Variants in IQGAP1 observed in about 807,000 individuals in gnomAD.
IQGAP1 encodes the protein ras GTPase-activating-like protein IQGAP1.
In IQGAP1, 66 loss-of-function variants were observed where a neutral mutation model predicts 215.6. The ratio of observed to expected loss-of-function variants is 0.31; its 90% confidence interval spans 0.25 to 0.38. IQGAP1 has a LOEUF of 0.38. IQGAP1 is among the 10% of genes least tolerant of loss of function. The pLI, the probability that IQGAP1 is intolerant of heterozygous loss-of-function variation, is 1.00. For missense variants in IQGAP1, 1,712 were observed against 1,997.1 expected (o/e 0.86, Z 2.72); for synonymous variants, 772 against 728.7 (o/e 1.06, Z -0.96).
intron 15 of IQGAP1, among the ~76,000 whole-genome samples, chr15:90,458,228 A>AT (rs1216734399): frequency 6.6e-6 from 1 of 152,262 alleles, no homozygotes; most frequent in Non-Finnish European, 1.5e-5. Flanking sequence ...ATAATATTCC[A>AT]TTGTATGACT....
Position 90,483,420 on chromosome 15 carries a change from C to G in IQGAP1, c.3615C>G (p.Ala1205=), listed in dbSNP as rs772794866. 5.0e-6 allele frequency: 8 copies of G among 1,614,030 alleles called. No individual in the cohort carries two copies. The South Asian group carries it at 6.6e-5, about 13-fold the overall frequency. Residue 1205 remains alanine, a synonymous_variant, in exon 29 of 38, where the codon GCC becomes GCG. Transcript: ENST00000268182. The part of the protein sequence containing the change: ...YMNPAIVAPD[A]FDIIDLSAGG... Reference sequence around the variant, plus strand: ...ATCCAGCCATTGTTGCTCCTGATGCCTTTGACATCATTGACCTGTCAGCAG... The same window carrying G: ...ATCCAGCCATTGTTGCTCCTGATGCGTTTGACATCATTGACCTGTCAGCAG...
At chr15:90,496,206 A>G (rs1330368767) in intron 36 of IQGAP1, among the ~76,000 whole-genome samples, 1 of 150,428 alleles carries the variant, frequency 6.6e-6, no homozygotes, top group Non-Finnish European at 1.5e-5. Context: ...TGCATCTTTC[A>G]TGGTTCTCAG....
Position 90,416,578 on chromosome 15 carries a change from CT to C in IQGAP1, c.156-9515del, listed in dbSNP as rs59801805. Among the ~76,000 whole-genome samples the C allele has an allele frequency of 6.3e-3, 874 of 139,226 alleles. 6 individuals carry two copies. Among genetic ancestry groups the C allele is most frequent in the Middle Eastern group, 0.015 (4 of 266 alleles). The allele number at this position is 139,226 out of a possible 152,430, so 91.3% of individuals were successfully genotyped here. The stretch of plus-strand genomic sequence containing the variant: ...CTCTCCAGCACCTGTTGTTTCCTGA[CT>C]TTTTTTTTTTTTTTTTGAGACGGAG... On this transcript the variant is annotated intron_variant, in intron 2 of 37. Coordinates refer to ENST00000268182, the MANE Select transcript of IQGAP1 (RefSeq NM_003870.4).
At chr15:90,393,133 G>C (rs1964660582) in intron 2 of IQGAP1, among the ~76,000 whole-genome samples, 1 of 151,016 alleles carries the variant, frequency 6.6e-6, no homozygotes, top group Non-Finnish European at 1.5e-5. Context: ...ACACCTATCT[G>C]GGCCCTACCA....
intron 15 of IQGAP1, among the ~76,000 whole-genome samples, chr15:90,462,224 T>G (rs1206248543): frequency 6.6e-6 from 1 of 152,228 alleles, no homozygotes; most frequent in Non-Finnish European, 1.5e-5. Context: ...TATGCACTTA[T>G]GCACACATGC....
At chr15:90,494,984 T>G in intron 36 of IQGAP1, 149 bp downstream of exon 36, 3 of 493,830 alleles carry the variant, frequency 6.1e-6, no homozygotes. Flanking sequence ...TTAGGCCTCA[T>G]ACTCAGAGTT....
intron 9 of IQGAP1, among the ~76,000 whole-genome samples, chr15:90,444,247 G>C (rs1001624858): frequency 5.3e-5 from 5 of 93,578 alleles, no homozygotes; most frequent in Middle Eastern, 4.5e-3. Flanking sequence ...TCAAAACTGT[G>C]TGTGTGTGTG....
At chr15:90,412,461 G>C (rs746899860) in intron 2 of IQGAP1, among the ~76,000 whole-genome samples, 6 of 151,926 alleles carry the variant, frequency 3.9e-5, no homozygotes, top group Non-Finnish European at 8.8e-5. Flanking sequence ...TCCTTCCAAG[G>C]GTCTGCACAT....
At chr15:90,426,782 G>A (rs1428793450) in intron 3 of IQGAP1, among the ~76,000 whole-genome samples, 2 of 151,722 alleles carry the variant, frequency 1.3e-5, no homozygotes, top group Non-Finnish European at 2.9e-5. Context: ...GTGAAACCCC[G>A]TCTCTACCAA....
At chr15:90,459,175 C>G (rs1428849099) in intron 15 of IQGAP1, among the ~76,000 whole-genome samples, 1 of 152,054 alleles carries the variant, frequency 6.6e-6, no homozygotes, top group Non-Finnish European at 1.5e-5. Context: ...TTAGTAAGCA[C>G]TGAAAAGGAG....
At chr15:90,430,704 G>T (rs750970551) in intron 4 of IQGAP1, among the ~76,000 whole-genome samples, 2 of 151,914 alleles carry the variant, frequency 1.3e-5, no homozygotes, top group Non-Finnish European at 2.9e-5. Flanking sequence ...TGTGTGATGG[G>T]ATTAAGGGTG....
rs1453183375 is a variant in IQGAP1 at position 90,500,566 on chromosome 15, G to C, written c.*458G>C. ...ATGTCATGTTATTAACAGTTATTAGGTTGTCATTTAAAAATAAAGTTCCTT... is the reference window on the plus strand; with the variant it reads ...ATGTCATGTTATTAACAGTTATTAGCTTGTCATTTAAAAATAAAGTTCCTT... On this transcript the variant is annotated 3_prime_UTR_variant, in exon 38 of 38. Coordinates refer to ENST00000268182, the MANE Select transcript of IQGAP1 (RefSeq NM_003870.4). 6.6e-6 allele frequency: 1 copy of C among 152,560 alleles called. No individual in the cohort carries two copies. Among genetic ancestry groups the C allele is most frequent in the Non-Finnish European group, 1.5e-5 (1 of 68,322 alleles). The allele number at this position is 152,560 out of a possible 1,614,324, so 9.5% of individuals were successfully genotyped here.
In IQGAP1 at chr15:90,438,392, G is replaced by C. The variant is rs1965399629; in HGVS notation, c.468-940G>C. ...ATTAATGTTTATTAATATATGCTAG[G>C]CTCTGGGTAAACATTAGTGAATGAG... On this transcript the variant is annotated intron_variant, in intron 5 of 37. Transcript: ENST00000268182. Among the ~76,000 whole-genome samples the C allele has an allele frequency of 2.0e-5, 3 of 152,172 alleles. No individual in the cohort carries two copies. In the South Asian group the frequency reaches 6.2e-4, roughly 32 times the overall value.
At chr15:90,470,587 A>G (rs982650349) in intron 18 of IQGAP1, among the ~76,000 whole-genome samples, 2 of 152,050 alleles carry the variant, frequency 1.3e-5, no homozygotes, top group Middle Eastern at 3.2e-3. Context: ...TTTAAAGCCC[A>G]TGGAATTTCC....
chr15:90,464,729 G>A lies in IQGAP1; in HGVS notation c.1777-1272G>A, dbSNP rs531313412. ...TAGCTGGGCGTGGTGGCGGGTGCACGTAGTCCCAGCTACTCGGGAGGCTGA... is the reference window on the plus strand; with the variant it reads ...TAGCTGGGCGTGGTGGCGGGTGCACATAGTCCCAGCTACTCGGGAGGCTGA... On this transcript the variant is annotated intron_variant, in intron 15 of 37. Coordinates refer to ENST00000268182, the MANE Select transcript of IQGAP1 (RefSeq NM_003870.4). 7.9e-5 allele frequency among the ~76,000 whole-genome samples: 12 copies of A among 152,028 alleles called. No individual in the cohort carries two copies. In the East Asian group the frequency reaches 1.2e-3, roughly 15 times the overall value.
Position 90,476,611 on chromosome 15 carries a change from A to G in IQGAP1, c.2785-52A>G, listed in dbSNP as rs536606210. 13 of 1,412,522 alleles carry G rather than the reference A, an allele frequency of 9.2e-6. No homozygotes were observed. The East Asian group carries it at 2.8e-4, about 30-fold the overall frequency. The allele number at this position is 1,412,522 out of a possible 1,614,324, so 87.5% of individuals were successfully genotyped here. ...GCTGCAAAACCTTTCCTCAATGCCC[A>G]GAGGTTCATCTTTGAAAGCTTTCTG... is the stretch of plus-strand genomic sequence containing the variant. On this transcript the variant is annotated intron_variant, in intron 23 of 37. Coordinates refer to ENST00000268182, the MANE Select transcript of IQGAP1 (RefSeq NM_003870.4).
intron 26 of IQGAP1, among the ~76,000 whole-genome samples, chr15:90,478,588 ATAAGGTGG>A (rs1966012131): frequency 6.6e-6 from 1 of 152,242 alleles, no homozygotes; most frequent in Admixed American, 6.5e-5. Flanking sequence ...GGGAGCTAAC[ATAAGGTGG>A]TTAGGGAAAG....
At chr15:90,401,546 T>G (rs1258590785) in intron 2 of IQGAP1, among the ~76,000 whole-genome samples, 1 of 152,228 alleles carries the variant, frequency 6.6e-6, no homozygotes, top group Admixed American at 6.5e-5. Context: ...TCTCCCCCTC[T>G]TCCTCATTGT....
intron 37 of IQGAP1, among the ~76,000 whole-genome samples, chr15:90,498,664 G>T (rs11638780): frequency 0.44 from 66,779 of 151,468 alleles, 16,065 homozygotes; most frequent in Non-Finnish European, 0.55. Flanking sequence ...TTTTTGGAGG[G>T]GGGGGCAGAG....
Sources: allele counts gnomAD v4.1 joint callset (sites outside exome capture counted in the v4.1 genomes callset), GRCh38; gene constraint gnomAD v4.1.1; transcripts MANE v1.5; gene names NCBI Gene and HGNC (gene_info 2026-07-23, HGNC 2026-07-21).